The following TOP3A variants were observed in gnomAD, a reference collection of about 807,000 sequenced individuals.
TOP3A encodes DNA topoisomerase 3-alpha.
A neutral mutation model predicts 111.3 loss-of-function variants in TOP3A; 64 were observed. That is an observed-to-expected ratio of 0.57 (90% CI 0.47 to 0.71). The LOEUF (loss-of-function observed/expected upper bound fraction) is 0.71, where lower values mean the gene tolerates loss of function less well. Among genes scored for constraint, TOP3A ranks in the 30% least tolerant of loss-of-function variants. The probability of loss-of-function intolerance (pLI) is 0.00; values close to 1 mark genes in which losing one functional copy is unlikely to be tolerated. For missense variants in TOP3A, 1,104 were observed against 1,285.0 expected (o/e 0.86, Z 2.15); for synonymous variants, 484 against 485.1 (o/e 1.00, Z 0.03).
chr17:18,290,947 G>C lies in TOP3A; in HGVS notation c.1362C>G (p.Thr454=), dbSNP rs979023193. The C allele has an allele frequency of 6.2e-7, 1 of 1,614,186 alleles. No individual in the cohort carries two copies. The highest frequency in any genetic ancestry group is 1.1e-5 in the South Asian group (1 of 91,086). ...CCSQDAQGQE[T]TVEIDIAQER... ...CCTGAGCGATGTCGATCTCCACTGT[G>C]GTCTCCTGCCCCTGAGCATCCTGGG... The change falls in exon 12 of 19, where the codon ACC becomes ACG. Residue 454 remains threonine, a synonymous_variant. Transcript: ENST00000321105.
intron 5 of TOP3A, among the ~76,000 whole-genome samples, chr17:18,304,445 C>G (rs1339382954): frequency 6.6e-6 from 1 of 152,142 alleles, no homozygotes; most frequent in East Asian, 1.9e-4. Context: ...GCTTTGAACA[C>G]AAAACCACTA....
chr17:18,297,464 C>CCTCTCCCTCTCCCCACGGTCTCT (rs1199263586), intron 9 of TOP3A, among the ~76,000 whole-genome samples: 1 of 151,808 alleles, frequency 6.6e-6, no homozygotes, highest in Non-Finnish European at 1.5e-5. Context: ...CCACGGTCTC[C>CCTCTCCCTCTCCCCACGGTCTCT]GTCTCCCTCT....
Position 18,278,318 on chromosome 17 carries a change from G to A in TOP3A, c.2184C>T (p.Thr728=), listed in dbSNP as rs1187647376. Reference sequence around the variant, plus strand: ...TGCAGCAAACAAACTCCAGAGGCATGGTCGGGGGAAGGCTACCGCGCTTAA... The same window carrying A: ...TGCAGCAAACAAACTCCAGAGGCATAGTCGGGGGAAGGCTACCGCGCTTAA... The part of the protein sequence containing the change: ...LKFKRGSLPP[T]MPLEFVCCIG... Residue 728 remains threonine (T), a synonymous_variant, in exon 18 of 19, where the codon ACC becomes ACT. Coordinates refer to ENST00000321105, the MANE Select transcript of TOP3A (RefSeq NM_004618.5). 1 of 1,517,518 alleles carries A rather than the reference G, an allele frequency of 6.6e-7. No homozygotes were observed. Among genetic ancestry groups the A allele is most frequent in the Non-Finnish European group, 8.8e-7 (1 of 1,133,018 alleles). 94.0% of individuals were successfully genotyped at this position (1,517,518 alleles called of 1,614,324 possible).
intron 13 of TOP3A, among the ~76,000 whole-genome samples, chr17:18,285,779 G>A (rs1454939279): frequency 6.6e-6 from 1 of 152,136 alleles, no homozygotes; most frequent in Non-Finnish European, 1.5e-5. Flanking sequence ...TCTTCCCCAT[G>A]TGTCCAAGCC....
At chr17:18,314,081 C>A (rs1181877360) in intron 1 of TOP3A, among the ~76,000 whole-genome samples, 1 of 151,942 alleles carries the variant, frequency 6.6e-6, no homozygotes, top group Non-Finnish European at 1.5e-5. Flanking sequence ...AATCCCCAAA[C>A]CTTACCGTGT....
At chr17:18,295,343 T>C (rs1980728454) in intron 9 of TOP3A, among the ~76,000 whole-genome samples, 1 of 151,722 alleles carries the variant, frequency 6.6e-6, no homozygotes, top group Admixed American at 6.6e-5. Context: ...AGATGGGGTT[T>C]TGCCATGCTG....
chr17:18,297,732 G>T (rs1164395649), intron 9 of TOP3A, among the ~76,000 whole-genome samples: 1 of 152,006 alleles, frequency 6.6e-6, no homozygotes, highest in African/African-American at 2.4e-5. Context: ...GTGCTCAATG[G>T]TGCCCAGGCT....
chr17:18,294,924 A>G, intron 9 of TOP3A, 139 bp from the exon 10 acceptor site: 1 of 627,950 alleles, frequency 1.6e-6, no homozygotes, highest in Non-Finnish European at 2.9e-6. Context: ...AAGGCTGCCC[A>G]ACAACGATTT....
intron 9 of TOP3A, among the ~76,000 whole-genome samples, chr17:18,298,354 G>T (rs1215292822): frequency 6.8e-6 from 1 of 146,978 alleles, no homozygotes; most frequent in African/African-American, 2.6e-5. Flanking sequence ...CCCCCGCCCG[G>T]CCAGCCGCCC....
chr17:18,274,822 A>G lies in TOP3A; in HGVS notation c.2986T>C (p.Phe996Leu). 6.2e-7 allele frequency: 1 copy of G among 1,614,088 alleles called. No homozygotes were observed. The highest frequency in any genetic ancestry group is 8.5e-7 in the Non-Finnish European group (1 of 1,179,994). The change falls in exon 19 of 19, where the codon TTT becomes CTT. Residue 996 changes from phenylalanine (F) to leucine (L), a missense_variant. Coordinates refer to ENST00000321105, the MANE Select transcript of TOP3A (RefSeq NM_004618.5). ...TGAGCTCATCTGTTCTGAGGACAAAAGGGACGGGTGTGTCCAGGCTGGTGG... is the reference window on the plus strand; with the variant it reads ...TGAGCTCATCTGTTCTGAGGACAAAGGGGACGGGTGTGTCCAGGCTGGTGG... ...LCHQPGHTRP[F>L]CPQNR
chr17:18,279,295 C>T (rs900687764), intron 17 of TOP3A, among the ~76,000 whole-genome samples: 2 of 151,870 alleles, frequency 1.3e-5, no homozygotes, highest in African/African-American at 4.8e-5. Context: ...ATCATTCTGT[C>T]GCCCAGGCTG....
rs75653799 is a variant in TOP3A at position 18,301,169 on chromosome 17, G to A, written c.915+716C>T. On this transcript the variant is annotated intron_variant, in intron 8 of 18. Coordinates refer to ENST00000321105, the MANE Select transcript of TOP3A (RefSeq NM_004618.5). ...AGAGCTCGGAATTTTACTTAAGCAT[G>A]ACTCTGTGCAGCCCCTGGGTTAAAC... Among the ~76,000 whole-genome samples, 195 of 152,344 alleles carry A rather than the reference G, an allele frequency of 1.3e-3. 1 individual carries two copies. The highest frequency in any genetic ancestry group is 0.01 in the Middle Eastern group (3 of 294).
At chr17:18,302,554 T>C (rs777355491) in intron 6 of TOP3A, 26 bp downstream of exon 6, 1 of 1,610,892 alleles carries the variant, frequency 6.2e-7, no homozygotes, top group Non-Finnish European at 8.5e-7. Context: ...AATGTGGCCA[T>C]GGGAGAGGTC....
chr17:18,306,000 G>C (rs936226138), intron 4 of TOP3A, among the ~76,000 whole-genome samples: 5 of 151,612 alleles, frequency 3.3e-5, no homozygotes, highest in Admixed American at 1.3e-4. Context: ...TCAGGAGTTC[G>C]AGACCAGCCT....
intron 16 of TOP3A, among the ~76,000 whole-genome samples, 162 bp downstream of exon 16, chr17:18,282,536 T>TC (rs1979821125): frequency 1.3e-5 from 2 of 152,214 alleles, no homozygotes; most frequent in South Asian, 4.1e-4. Context: ...AAAGGCCTGA[T>TC]CCCACCCTGC....
intron 9 of TOP3A, among the ~76,000 whole-genome samples, chr17:18,297,412 C>A (rs139569790): frequency 1.7e-4 from 26 of 152,128 alleles, no homozygotes; most frequent in Non-Finnish European, 3.5e-4. Flanking sequence ...GCAACAAGAG[C>A]GAAACTGCGC....
Position 18,277,943 on chromosome 17 carries a change from A to G in TOP3A, c.2559T>C (p.Asn853=), listed in dbSNP as rs761153523. The part of the protein sequence containing the change: ...CNFFLWADSP[N]PGAGGPPALA... The stretch of plus-strand genomic sequence containing the variant: ...AGGCAGGAGGCCCTCCTGCTCCCGG[A>G]TTGGGGCTGTCTGCCCACAGGAAGA... The change falls in exon 18 of 19, where the codon AAT becomes AAC. Residue 853 remains asparagine, a synonymous_variant. Transcript: ENST00000321105. 3 of 1,613,914 alleles carry G rather than the reference A, an allele frequency of 1.9e-6. No homozygotes were observed. Among genetic ancestry groups the G allele is most frequent in the Non-Finnish European group, 2.5e-6 (3 of 1,180,022 alleles).
chr17:18,309,002 T>TTA, intron 1 of TOP3A, 61 bp from the exon 2 acceptor site: 3 of 925,676 alleles, frequency 3.2e-6, no homozygotes, highest in Non-Finnish European at 4.7e-6. Context: ...TTCCTTTGTA[T>TTA]AATTCTTTCT....
At chr17:18,290,455 G>A in intron 13 of TOP3A, 102 bp downstream of exon 13, 1 of 1,280,044 alleles carries the variant, frequency 7.8e-7, no homozygotes, top group Middle Eastern at 2.0e-4. Context: ...TAAAGATATA[G>A]CAGCTGCATT....
Sources: allele counts gnomAD v4.1 joint callset (sites outside exome capture counted in the v4.1 genomes callset), GRCh38; gene constraint gnomAD v4.1.1; transcripts MANE v1.5; gene names NCBI Gene and HGNC (gene_info 2026-07-23, HGNC 2026-07-21).